Variants in PRPF6 observed in about 807,000 individuals in gnomAD.
PRPF6 encodes pre-mRNA processing factor 6.
In PRPF6, 42 loss-of-function variants were observed where a neutral mutation model predicts 118.3. The observed-to-expected ratio is 0.35, with a 90% CI of 0.28 to 0.46. The LOEUF is 0.46. Among genes scored for constraint, PRPF6 ranks in the 20% least tolerant of loss-of-function variants. The pLI is 1.00. For missense variants in PRPF6, 662 were observed against 1,255.7 expected, an observed-to-expected ratio of 0.53 and a Z score of 7.15; for synonymous variants, 481 against 485.1, an observed-to-expected ratio of 0.99 and a Z score of 0.11.
chr20:64,019,584 G>A (rs116927672), intron 12 of PRPF6, among the ~76,000 whole-genome samples: 594 of 152,314 alleles, frequency 3.9e-3, no homozygotes, highest in Non-Finnish European at 6.8e-3. Context: ...GGCCACTCTC[G>A]GGTTGCTTGT....
intron 12 of PRPF6, among the ~76,000 whole-genome samples, chr20:64,021,776 CTGTG>C (rs1172891295): frequency 7.0e-6 from 1 of 142,552 alleles, no homozygotes; most frequent in Non-Finnish European, 1.5e-5. Context: ...GGCCACAGCC[CTGTG>C]TGTGTGCGTG....
chr20:64,015,596 C>G (rs904524096), intron 11 of PRPF6, among the ~76,000 whole-genome samples: 5 of 152,214 alleles, frequency 3.3e-5, no homozygotes, highest in Non-Finnish European at 7.3e-5. Context: ...GACACATTCT[C>G]TTGCACACAT....
In PRPF6 at chr20:64,026,829, T is replaced by C; in HGVS notation, c.2029-153T>C. 6.6e-6 allele frequency among the ~76,000 whole-genome samples: 1 copy of C among 151,988 alleles called. No homozygotes were observed. The highest frequency in any genetic ancestry group is 1.9e-4 in the East Asian group (1 of 5,196). On this transcript the variant is annotated intron_variant, in intron 15 of 20. Coordinates refer to ENST00000266079, the MANE Select transcript of PRPF6 (RefSeq NM_012469.4). The surrounding 1 kb of genome is among the most constrained non-coding windows in gnomAD (Gnocchi z 4.4). ...AAAAACAAAACAAAACAAAAACATA[T>C]ATTTATCCCCACCTTTTGTGTACAC...
rs534971737 is a variant in PRPF6, at chr20:64,021,140, T to C, written c.1648-1617T>C. ...ATATGTTTGATCTGCAGTTACAGCA[T>C]GTGTGTGTGTGTGTACACGTACATA... On this transcript the variant is annotated intron_variant, in intron 12 of 20. Coordinates refer to ENST00000266079, the MANE Select transcript of PRPF6 (RefSeq NM_012469.4). Among the ~76,000 whole-genome samples, 7 of 147,900 alleles carry C rather than the reference T, an allele frequency of 4.7e-5. No homozygotes were observed. In the South Asian group the frequency reaches 1.2e-3, roughly 26 times the overall value.
chr20:63,997,937 G>T (rs2059148476), intron 6 of PRPF6, among the ~76,000 whole-genome samples: 1 of 151,976 alleles, frequency 6.6e-6, no homozygotes, highest in Non-Finnish European at 1.5e-5. Flanking sequence ...GACCGCATTC[G>T]CTCATCTATG....
At chr20:63,997,395 AT>A (rs995803896) in intron 6 of PRPF6, among the ~76,000 whole-genome samples, 1 of 144,324 alleles carries the variant, frequency 6.9e-6, no homozygotes, top group Non-Finnish European at 1.5e-5. Context: ...GGTTCAAATG[AT>A]TCTCCCACCT....
intron 19 of PRPF6, among the ~76,000 whole-genome samples, chr20:64,031,666 CCTT>C (rs1188045502): frequency 7.0e-6 from 1 of 143,110 alleles, no homozygotes; most frequent in Non-Finnish European, 1.5e-5. Flanking sequence ...GAGCGAGACT[CCTT>C]CTCAAAAAAA....
intron 9 of PRPF6, 151 bp from the exon 10 acceptor site, chr20:64,010,049 C>G (rs2059208971): frequency 1.3e-6 from 1 of 769,622 alleles, no homozygotes. Context: ...CTGCCCCAGA[C>G]CTGAAGGAAG....
At chr20:64,008,222 A>G (rs1268046114) in intron 9 of PRPF6, among the ~76,000 whole-genome samples, 1 of 152,138 alleles carries the variant, frequency 6.6e-6, no homozygotes, top group Admixed American at 6.5e-5. Context: ...AAGTCTGAAC[A>G]TTGCCGTTTG....
In PRPF6 at chr20:64,026,235, G is replaced by A. The variant is rs559270556; in HGVS notation, c.2028+177G>A. ...GTGGCCGGGCGTGGTGGCCGGGCGC[G>A]GTGGCTCACGCCTGTAATCTCAGCA... On this transcript the variant is annotated intron_variant, in intron 15 of 20. Coordinates refer to ENST00000266079, the MANE Select transcript of PRPF6 (RefSeq NM_012469.4). The surrounding 1 kb of genome is among the most constrained non-coding windows in gnomAD (Gnocchi z 4.4). Among the ~76,000 whole-genome samples, 6 of 151,936 alleles carry A rather than the reference G, an allele frequency of 3.9e-5. No homozygotes were observed. Among genetic ancestry groups the A allele is most frequent in the South Asian group, 2.1e-4 (1 of 4,814 alleles).
At chr20:64,025,093 C>T (rs2069880064) in intron 14 of PRPF6, among the ~76,000 whole-genome samples, 1 of 152,056 alleles carries the variant, frequency 6.6e-6, no homozygotes, top group Admixed American at 6.6e-5. Context: ...CATATAACAT[C>T]CTAATAGTTT....
chr20:64,002,313 ACCTGG>A (rs1569216552), intron 9 of PRPF6, among the ~76,000 whole-genome samples: 2 of 133,678 alleles, frequency 1.5e-5, no homozygotes, highest in African/African-American at 5.7e-5. Flanking sequence ...GAGCCACTGC[ACCTGG>A]CCTATGCAGG....
chr20:64,019,718 A>T (rs1389976212), intron 12 of PRPF6, among the ~76,000 whole-genome samples: 2 of 152,176 alleles, frequency 1.3e-5, no homozygotes, highest in East Asian at 3.8e-4. Flanking sequence ...CCTCACCGGC[A>T]TCCTCCCTGA....
intron 5 of PRPF6, 67 bp downstream of exon 5, chr20:63,995,159 G>A (rs1391625564): frequency 6.2e-7 from 1 of 1,608,610 alleles, no homozygotes; most frequent in Non-Finnish European, 8.5e-7. Context: ...GGAATGGTGG[G>A]TGGTGTTGGA....
chr20:63,996,878 A>G (rs546698775), intron 6 of PRPF6, among the ~76,000 whole-genome samples: 241 of 152,210 alleles, frequency 1.6e-3, no homozygotes, highest in African/African-American at 5.5e-3. Context: ...GCCATGAGCT[A>G]TGATCGCGCC....
intron 3 of PRPF6, among the ~76,000 whole-genome samples, chr20:63,989,749 G>A (rs1447468919): frequency 6.6e-6 from 1 of 151,888 alleles, no homozygotes; most frequent in East Asian, 1.9e-4. Context: ...TCCTGGCCTT[G>A]TGCTCCATCC....
chr20:64,020,047 C>G (rs1174688210), intron 12 of PRPF6, among the ~76,000 whole-genome samples: 1 of 152,316 alleles, frequency 6.6e-6, no homozygotes. Context: ...TTCATAGTTG[C>G]AAAACTTTGT....
In PRPF6 at chr20:64,011,235, G is replaced by T. The variant is rs775752579; in HGVS notation, c.1306-50G>T. On this transcript the variant is annotated intron_variant, in intron 10 of 20. Transcript: ENST00000266079. This position sits in a 1 kb window ranked among gnomAD's most constrained non-coding sequence, Gnocchi z 6.7. ...GTGGGTCGCTGTCTGGCCTGCAGCT[G>T]TCCCCCCAGCACAGTGTCCTCTCCT... is the stretch of plus-strand genomic sequence containing the variant. The T allele has an allele frequency of 1.3e-6, 2 of 1,576,340 alleles. No individual in the cohort carries two copies. The highest frequency in any genetic ancestry group is 2.7e-5 in the African/African-American group (2 of 74,094).
chr20:64,011,891 A>G lies in PRPF6; in HGVS notation c.1524+388A>G. The stretch of plus-strand genomic sequence containing the variant: ...GCTTCTTTCTTTGCTAGTAGAAATG[A>G]TACACCTACGAGAGGAGGACAGGAA... On this transcript the variant is annotated intron_variant, in intron 11 of 20. Transcript: ENST00000266079. The surrounding 1 kb of genome is among the most constrained non-coding windows in gnomAD (Gnocchi z 6.7). 1.8e-4 allele frequency among the ~76,000 whole-genome samples: 2 copies of G among 11,002 alleles called. 1 individual carries two copies. The highest frequency in any genetic ancestry group is 2.1e-3 in the Admixed American group (2 of 934). 7.2% of individuals were successfully genotyped at this position (11,002 alleles called of 152,430 possible).
Sources: gnomAD v4.1 joint callset for allele counts (sites outside exome capture counted in the v4.1 genomes callset) on GRCh38, gnomAD v4.1.1 for gene constraint, Gnocchi (gnomAD v3.1) non-coding constraint, MANE v1.5 for transcripts, NCBI Gene and HGNC (gene_info 2026-07-23, HGNC 2026-07-21) for gene names.